Variants in ARHGAP15 observed in about 807,000 individuals in gnomAD.
ARHGAP15 encodes rho GTPase-activating protein 15.
ARHGAP15 carries 51 observed loss-of-function variants against 63.7 expected under a neutral mutation model. The observed-to-expected ratio is 0.80, with a 90% confidence interval of 0.64 to 1.01. The LOEUF is 1.01. ARHGAP15 is among the 50% of genes least tolerant of loss of function. The pLI is 0.00. For missense variants in ARHGAP15, 560 were observed against 564.6 expected (o/e 0.99, Z 0.08); for synonymous variants, 191 against 193.8 (o/e 0.99, Z 0.12).
chr2:143,315,976 C>T lies in ARHGAP15; in HGVS notation c.474+65376C>T, dbSNP rs140776117. On this transcript the variant is annotated intron_variant, in intron 6 of 13. Coordinates refer to ENST00000295095, the MANE Select transcript of ARHGAP15 (RefSeq NM_018460.4). ...TGGTGCGTGCCTGTATTCCCAGCTG[C>T]TCAGAGGGCTGAGGCAGGAGAATTG... Among the ~76,000 whole-genome samples, 205 of 152,106 alleles carry T rather than the reference C, an allele frequency of 1.3e-3. 1 individual carries two copies. The highest frequency in any genetic ancestry group is 3.2e-3 in the African/African-American group (134 of 41,520).
intron 4 of ARHGAP15, among the ~76,000 whole-genome samples, chr2:143,219,621 A>G (rs751004661): frequency 6.6e-6 from 1 of 152,232 alleles, no homozygotes; most frequent in Admixed American, 6.5e-5. Context: ...ACATTTGTAA[A>G]TCTACTGACT....
chr2:143,562,952 C>T (rs966694597), intron 11 of ARHGAP15, among the ~76,000 whole-genome samples: 2 of 152,182 alleles, frequency 1.3e-5, no homozygotes, highest in Non-Finnish European at 2.9e-5. Flanking sequence ...TAAAGCAAAA[C>T]TATACCACAC....
chr2:143,499,485 T>C (rs980760377), intron 9 of ARHGAP15, among the ~76,000 whole-genome samples: 1 of 152,170 alleles, frequency 6.6e-6, no homozygotes, highest in Non-Finnish European at 1.5e-5. Context: ...GAGTTTTTTC[T>C]TTCTTTTTCT....
At chr2:143,601,350 G>C (rs1272773952) in intron 11 of ARHGAP15, among the ~76,000 whole-genome samples, 1 of 152,086 alleles carries the variant, frequency 6.6e-6, no homozygotes, top group East Asian at 1.9e-4. Context: ...AGACATGATA[G>C]CAAGGGAAAG....
chr2:143,334,437 A>C (rs1684684772), intron 6 of ARHGAP15, among the ~76,000 whole-genome samples: 1 of 152,182 alleles, frequency 6.6e-6, no homozygotes, highest in South Asian at 2.1e-4. Context: ...TGTTGCACAC[A>C]CATATGTGTC....
intron 2 of ARHGAP15, among the ~76,000 whole-genome samples, chr2:143,178,450 T>C (rs757715800): frequency 7.9e-5 from 12 of 152,190 alleles, no homozygotes; most frequent in Non-Finnish European, 1.3e-4. Context: ...TTATCAGAAA[T>C]TGATATTGGC....
At chr2:143,704,232 G>A (rs1347081798) in intron 13 of ARHGAP15, among the ~76,000 whole-genome samples, 2 of 152,166 alleles carry the variant, frequency 1.3e-5, no homozygotes, top group Non-Finnish European at 2.9e-5. Flanking sequence ...AACCACTGAA[G>A]AATGCTACAA....
At chr2:143,159,663 C>T (rs78429249) in intron 2 of ARHGAP15, among the ~76,000 whole-genome samples, 2,908 of 152,000 alleles carry the variant, frequency 0.019, 87 homozygotes, top group African/African-American at 0.065. Flanking sequence ...AACCATTGAT[C>T]AGGCAGGCAT....
rs190530174 is a variant in ARHGAP15 at position 143,286,448 on chromosome 2, G to T, written c.474+35848G>T. Among the ~76,000 whole-genome samples the T allele has an allele frequency of 2.6e-5, 4 of 152,204 alleles. 1 individual carries two copies. The highest frequency in any genetic ancestry group is 1.3e-4 in the Admixed American group (2 of 15,286). ...GTTTTTTAGTTTTTCTTTGTAATTTGACTCTCTTGAAATCCCAGCTTTGTC... is the reference window on the plus strand; with the variant it reads ...GTTTTTTAGTTTTTCTTTGTAATTTTACTCTCTTGAAATCCCAGCTTTGTC... On this transcript the variant is annotated intron_variant, in intron 6 of 13. Coordinates refer to ENST00000295095, the MANE Select transcript of ARHGAP15 (RefSeq NM_018460.4).
intron 12 of ARHGAP15, among the ~76,000 whole-genome samples, chr2:143,645,351 T>C (rs1463200326): frequency 6.6e-6 from 1 of 152,116 alleles, no homozygotes; most frequent in Non-Finnish European, 1.5e-5. Flanking sequence ...ATTGTAGCAA[T>C]TAATCAACTG....
intron 6 of ARHGAP15, among the ~76,000 whole-genome samples, chr2:143,285,767 T>C (rs926708621): frequency 6.6e-6 from 1 of 152,198 alleles, no homozygotes; most frequent in Non-Finnish European, 1.5e-5. Flanking sequence ...GATCTACATA[T>C]TCCATACAGA....
At chr2:143,435,532 C>T in intron 6 of ARHGAP15, 69 bp from the exon 7 acceptor site, 7 of 1,404,448 alleles carry the variant, frequency 5.0e-6, no homozygotes, top group Non-Finnish European at 6.5e-6. Flanking sequence ...AGGATTTTTA[C>T]ATGTAAGAGA....
chr2:143,688,632 C>T (rs562465688), intron 12 of ARHGAP15, among the ~76,000 whole-genome samples: 28 of 152,266 alleles, frequency 1.8e-4, no homozygotes, highest in East Asian at 1.4e-3. Flanking sequence ...TAAGCCTTCA[C>T]GTAAACTTTT....
chr2:143,184,450 T>C (rs1691360210), intron 2 of ARHGAP15, among the ~76,000 whole-genome samples: 1 of 152,072 alleles, frequency 6.6e-6, no homozygotes, highest in South Asian at 2.1e-4. Flanking sequence ...GATGGAAGAG[T>C]CCAATAGTAA....
intron 11 of ARHGAP15, 23 bp downstream of exon 11, chr2:143,556,508 A>AT (rs1695806638): frequency 2.5e-6 from 4 of 1,582,612 alleles, no homozygotes; most frequent in Non-Finnish European, 3.5e-6. Flanking sequence ...CACTTCAGAG[A>AT]TTTTTTCAAA....
At position 143,477,373 on chromosome 2, in the gene ARHGAP15, G is replaced by GTGA. The variant is rs534292255; in HGVS notation, c.704-9991_704-9989dup. Among the ~76,000 whole-genome samples, 108 of 151,884 alleles carry GTGA rather than the reference G, an allele frequency of 7.1e-4. 1 individual carries two copies. The highest frequency in any genetic ancestry group is 1.9e-3 in the African/African-American group (78 of 41,486). ...TGTAAATTTAATGATTATTACAGTG[G>GTGA]TGATGATGATGCAGGATGCCTATCA... On this transcript the variant is annotated intron_variant, in intron 8 of 13. Transcript: ENST00000295095.
chr2:143,342,726 A>C (rs963540037), intron 6 of ARHGAP15, among the ~76,000 whole-genome samples: 4 of 152,038 alleles, frequency 2.6e-5, no homozygotes, highest in African/African-American at 7.2e-5. Context: ...GATGAGGCAA[A>C]ATTGTATAAC....
At chr2:143,580,401 C>T (rs907042913) in intron 11 of ARHGAP15, among the ~76,000 whole-genome samples, 3 of 152,112 alleles carry the variant, frequency 2.0e-5, no homozygotes, top group South Asian at 2.1e-4. Context: ...ACGCCCAACA[C>T]GAATCTTATG....
chr2:143,176,029 G>T (rs354700), intron 2 of ARHGAP15, among the ~76,000 whole-genome samples: 97,320 of 151,844 alleles, frequency 0.64, 31,531 homozygotes, highest in Non-Finnish European at 0.68. Context: ...TTTTAAAGAC[G>T]GACAGATTTC....
Sources: allele counts gnomAD v4.1 joint callset (sites outside exome capture counted in the v4.1 genomes callset), GRCh38; gene constraint gnomAD v4.1.1; transcripts MANE v1.5; gene names NCBI Gene and HGNC (gene_info 2026-07-23, HGNC 2026-07-21).